Variants in RNLS observed in about 807,000 individuals in gnomAD.
RNLS encodes the protein renalase, FAD dependent amine oxidase, also known as renalase.
A neutral mutation model predicts 39.8 loss-of-function variants in RNLS; 39 were observed. The ratio of observed to expected loss-of-function variants is 0.98; its 90% CI spans 0.76 to 1.28. The LOEUF is 1.28. Ranked by LOEUF, RNLS falls within the 50% of genes most tolerant of loss-of-function variation. The pLI is 0.00. For synonymous variants in RNLS, 147 were observed against 150.7 expected (o/e 0.98, Z 0.18); for missense variants, 410 against 413.3 (o/e 0.99, Z 0.07).
At chr10:88,536,156 A>G (rs1453532699) in intron 4 of RNLS, among the ~76,000 whole-genome samples, 1 of 152,004 alleles carries the variant, frequency 6.6e-6, no homozygotes, top group Non-Finnish European at 1.5e-5. Flanking sequence ...TACTGGGTAT[A>G]ATAGTGGTAC....
chr10:88,253,262 A>C, the RNLS span, among the ~76,000 whole-genome samples: 1 of 152,208 alleles, frequency 6.6e-6, no homozygotes, highest in South Asian at 2.1e-4. Flanking sequence ...CACAATGCTC[A>C]CAAAGTTGCT....
At chr10:88,249,170 T>C in the RNLS span, among the ~76,000 whole-genome samples, 1 of 152,240 alleles carries the variant, frequency 6.6e-6, no homozygotes, top group Non-Finnish European at 1.5e-5. Flanking sequence ...TATTTCTCTT[T>C]TCCTTGGATG....
intron 5 of RNLS, among the ~76,000 whole-genome samples, chr10:88,317,585 A>C (rs1478667882): frequency 1.3e-5 from 2 of 152,190 alleles, no homozygotes; most frequent in Non-Finnish European, 2.9e-5. Context: ...AATATACATA[A>C]AATTTACTGT....
At chr10:88,457,890 A>C (rs1334813747) in intron 4 of RNLS, among the ~76,000 whole-genome samples, 1 of 152,194 alleles carries the variant, frequency 6.6e-6, no homozygotes, top group Non-Finnish European at 1.5e-5. Flanking sequence ...AGCACAGAGG[A>C]GACATGCCAC....
At chr10:88,189,144 A>ATG in the RNLS span, among the ~76,000 whole-genome samples, 1 of 152,240 alleles carries the variant, frequency 6.6e-6, no homozygotes. Flanking sequence ...ACATATATGT[A>ATG]TGTATATATG....
At chr10:88,278,682 C>CT (rs1842900139) in intron 6 of RNLS, among the ~76,000 whole-genome samples, 1 of 152,176 alleles carries the variant, frequency 6.6e-6, no homozygotes, top group African/African-American at 2.4e-5. Context: ...TAGAGCAACT[C>CT]TCCCGCCTTC....
At chr10:88,187,599 A>T in the RNLS span, among the ~76,000 whole-genome samples, 1 of 152,194 alleles carries the variant, frequency 6.6e-6, no homozygotes, top group Non-Finnish European at 1.5e-5. Context: ...CACAGCAATA[A>T]GATTTAAGCA....
chr10:88,368,676 G>C (rs1295661288), intron 4 of RNLS, among the ~76,000 whole-genome samples: 4 of 152,004 alleles, frequency 2.6e-5, no homozygotes, highest in African/African-American at 9.7e-5. Context: ...TTGATGAAAT[G>C]TATGTTGCAT....
chr10:88,262,158 G>T, the RNLS span, among the ~76,000 whole-genome samples: 3 of 152,104 alleles, frequency 2.0e-5, no homozygotes, highest in Non-Finnish European at 4.4e-5. Context: ...ACTAGCAAAC[G>T]CCTTGTATAT....
chr10:88,423,790 G>A (rs565658244), intron 4 of RNLS, among the ~76,000 whole-genome samples: 1 of 152,292 alleles, frequency 6.6e-6, no homozygotes, highest in Non-Finnish European at 1.5e-5. Context: ...TCCTCACACT[G>A]TGTTAATTCT....
chr10:88,311,955 C>T (rs576145547), intron 6 of RNLS, among the ~76,000 whole-genome samples: 1 of 152,260 alleles, frequency 6.6e-6, no homozygotes, highest in Non-Finnish European at 1.5e-5. Flanking sequence ...TTGAGCCTTA[C>T]ATGGCTGATG....
intron 4 of RNLS, among the ~76,000 whole-genome samples, chr10:88,388,639 A>C (rs1328132653): frequency 6.6e-6 from 1 of 152,040 alleles, no homozygotes; most frequent in Non-Finnish European, 1.5e-5. Context: ...AGACAGTCCT[A>C]CTCTCACAAG....
the RNLS span, among the ~76,000 whole-genome samples, chr10:88,229,109 A>T: frequency 6.6e-6 from 1 of 152,206 alleles, no homozygotes; most frequent in Non-Finnish European, 1.5e-5. Context: ...TTAAATGGAC[A>T]TAAATTCATA....
intron 4 of RNLS, among the ~76,000 whole-genome samples, chr10:88,391,876 C>G (rs545172680): frequency 5.4e-4 from 83 of 152,340 alleles, no homozygotes; most frequent in African/African-American, 1.6e-3. Context: ...CTCATTCTCC[C>G]TCCCCTGCCC....
the RNLS span, among the ~76,000 whole-genome samples, chr10:88,214,830 C>T: frequency 6.6e-6 from 1 of 152,116 alleles, no homozygotes; most frequent in Non-Finnish European, 1.5e-5. Context: ...TATAATTCAA[C>T]TGTTGAAAGA....
At chr10:88,340,984 G>C (rs1445029786) in intron 5 of RNLS, among the ~76,000 whole-genome samples, 3 of 149,454 alleles carry the variant, frequency 2.0e-5, no homozygotes, top group Admixed American at 6.7e-5. Flanking sequence ...GCTTGAACCT[G>C]AGAGGCAGAG....
intron 4 of RNLS, among the ~76,000 whole-genome samples, chr10:88,553,164 T>C (rs1848680988): frequency 6.6e-6 from 1 of 152,230 alleles, no homozygotes; most frequent in Non-Finnish European, 1.5e-5. Context: ...GAGTTCATTT[T>C]GACAATTTGT....
At chr10:88,185,174 T>C in the RNLS span, among the ~76,000 whole-genome samples, 1 of 152,010 alleles carries the variant, frequency 6.6e-6, no homozygotes, top group Non-Finnish European at 1.5e-5. Context: ...GGGACGAGAG[T>C]GGATCTGGAA....
chr10:88,492,260 A>C (rs1170862034), intron 4 of RNLS, among the ~76,000 whole-genome samples: 1 of 152,188 alleles, frequency 6.6e-6, no homozygotes, highest in Middle Eastern at 3.4e-3. Flanking sequence ...TGTGTTTTAG[A>C]AAGTAATTTT....
Sources: allele counts gnomAD v4.1 joint callset (sites outside exome capture counted in the v4.1 genomes callset), GRCh38; gene constraint gnomAD v4.1.1; transcripts MANE v1.5; gene names NCBI Gene and HGNC (gene_info 2026-07-23, HGNC 2026-07-21).